SEMA4B: variants seen among roughly 807,000 people sequenced by gnomAD.
SEMA4B encodes semaphorin-4B.
Under a neutral mutation model 88.1 loss-of-function variants are expected in SEMA4B, and 55 were observed. That is an observed-to-expected ratio of 0.62 (90% confidence interval 0.50 to 0.78). SEMA4B has a LOEUF of 0.78. Ranked by LOEUF, SEMA4B falls within the 30% of genes least tolerant of loss-of-function variation. The pLI, the probability that SEMA4B is intolerant of heterozygous loss-of-function variation, is 0.00. For synonymous variants in SEMA4B, 525 were observed against 473.6 expected (o/e 1.11, Z -1.41); for missense variants, 1,062 against 1,111.9 (o/e 0.96, Z 0.64).
At chr15:90,215,434 T>C (rs749080005) in intron 1 of SEMA4B, among the ~76,000 whole-genome samples, 5 of 152,330 alleles carry the variant, frequency 3.3e-5, no homozygotes, top group Non-Finnish European at 7.3e-5. Context: ...CCATACATAC[T>C]AAATATAACC....
chr15:90,215,103 C>T (rs1961470433), intron 1 of SEMA4B: 6 of 632,414 alleles, frequency 9.5e-6, no homozygotes, highest in Non-Finnish European at 1.3e-5. Context: ...CAGGGTGCTG[C>T]TCTTTGCTTG....
At chr15:90,198,965 C>A (rs1336589387), upstream of SEMA4B, among the ~76,000 whole-genome samples, 1 of 152,076 alleles carries the variant, frequency 6.6e-6, no homozygotes, top group Non-Finnish European at 1.5e-5. Flanking sequence ...CCTCCCAGGC[C>A]CCGGTTCAAG....
intron 11 of SEMA4B, 94 bp from the exon 12 acceptor site, chr15:90,225,567 G>C (rs935612837): frequency 7.0e-7 from 1 of 1,420,118 alleles, no homozygotes; most frequent in Admixed American, 2.0e-5. Flanking sequence ...CAGGCCTCTT[G>C]GGGGTGGCTC....
chr15:90,200,690 C>T (rs1199758469), upstream of SEMA4B, among the ~76,000 whole-genome samples: 2 of 152,164 alleles, frequency 1.3e-5, no homozygotes, highest in Admixed American at 6.5e-5. Context: ...GGTTTTACCT[C>T]CTCAGCAGTA....
In SEMA4B at chr15:90,212,478, A is replaced by G. The variant is rs1434831778; in HGVS notation, c.158-4961A>G. On this transcript the variant is annotated intron_variant, in intron 1 of 13. Transcript: ENST00000411539. The surrounding 1 kb of genome is among the most constrained non-coding windows in gnomAD (Gnocchi z 4.0). ...CCGAGCAGCACAGGCAGCCCAGGAG[A>G]GCGAGCGAGACACTCTTTGACACAA... 6.6e-6 allele frequency among the ~76,000 whole-genome samples: 1 copy of G among 152,162 alleles called. No individual in the cohort carries two copies. Among genetic ancestry groups the G allele is most frequent in the Admixed American group, 6.5e-5 (1 of 15,284 alleles).
intron 1 of SEMA4B, among the ~76,000 whole-genome samples, chr15:90,216,708 A>T (rs1961548514): frequency 6.6e-6 from 1 of 152,104 alleles, no homozygotes; most frequent in South Asian, 2.1e-4. Flanking sequence ...GCTGGGTGTG[A>T]TGGTGCATGC....
intron 1 of SEMA4B, among the ~76,000 whole-genome samples, chr15:90,211,331 G>A (rs182837537): frequency 9.2e-4 from 140 of 152,278 alleles, no homozygotes; most frequent in African/African-American, 3.2e-3. Flanking sequence ...ATGGCTTTCC[G>A]GGGCATGCCC....
rs1372926555 is a variant in SEMA4B at position 90,217,761 on chromosome 15, C to T, written c.322-6C>T. On this transcript the variant is annotated splice_polypyrimidine_tract_variant and splice_region_variant and intron_variant, in intron 2 of 13. Transcript: ENST00000411539. ...GTCCACTACCTTCCCCTTTCTCATT[C>T]CCCAGCTGCTTTGGGGTGCAGACGC... is the stretch of plus-strand genomic sequence containing the variant. 1 of 1,613,228 alleles carries T rather than the reference C, an allele frequency of 6.2e-7. No individual in the cohort carries two copies. Among genetic ancestry groups the T allele is most frequent in the South Asian group, 1.1e-5 (1 of 90,954 alleles).
chr15:90,221,723 C>T lies in SEMA4B; in HGVS notation c.819C>T (p.Phe273=), dbSNP rs752310458. The change falls in exon 7 of 14, where the codon TTC becomes TTT. Residue 273 remains phenylalanine (F), a synonymous_variant. Coordinates refer to ENST00000411539, the MANE Select transcript of SEMA4B (RefSeq NM_198925.4). The part of the protein sequence containing the change: ...FFSETGQEFE[F]FENTIVSRIA... ...GCGAGACTGGCCAGGAATTTGAGTT[C>T]TTTGAGAACACCATTGTGTCCCGCA... 1 of 1,613,968 alleles carries T rather than the reference C, an allele frequency of 6.2e-7. No individual in the cohort carries two copies. Among genetic ancestry groups the T allele is most frequent in the South Asian group, 1.1e-5 (1 of 91,078 alleles).
At chr15:90,221,549 C>A (rs1172136997) in intron 6 of SEMA4B, 65 bp from the exon 7 acceptor site, 1 of 1,607,506 alleles carries the variant, frequency 6.2e-7, no homozygotes, top group Non-Finnish European at 8.5e-7. Context: ...GGGGCACTTT[C>A]CCCCAGCTTG....
chr15:90,220,367 C>T (rs8032780), intron 4 of SEMA4B: 66,231 of 125,076 alleles, frequency 0.53, 17,643 homozygotes, highest in East Asian at 0.82. Context: ...TTTTTCTTTT[C>T]TTTTTTTTTT....
At chr15:90,197,988 G>A (rs530373481), upstream of SEMA4B, among the ~76,000 whole-genome samples, 3 of 149,966 alleles carry the variant, frequency 2.0e-5, no homozygotes, top group African/African-American at 4.9e-5. Flanking sequence ...GTGCAGTGGC[G>A]TGATCTCGGC....
In SEMA4B at chr15:90,229,549, G is replaced by A; in HGVS notation, c.*906G>A. On this transcript the variant is annotated 3_prime_UTR_variant, in exon 14 of 14. Coordinates refer to ENST00000411539, the MANE Select transcript of SEMA4B (RefSeq NM_198925.4). ...TCCCTCACCTTCCTCCACTCTAAGGGATATCAACACTGCCCAGCACAGGGG... is the reference window on the plus strand; with the variant it reads ...TCCCTCACCTTCCTCCACTCTAAGGAATATCAACACTGCCCAGCACAGGGG... 1 of 379,918 alleles carries A rather than the reference G, an allele frequency of 2.6e-6. No homozygotes were observed. Among genetic ancestry groups the A allele is most frequent in the Admixed American group, 3.1e-5 (1 of 31,838 alleles). The allele number at this position is 379,918 out of a possible 1,614,324, so 23.5% of individuals were successfully genotyped here. A position where few individuals can be genotyped will look rare whatever the true frequency, so the allele number is the denominator to read the frequency against.
chr15:90,201,323 C>T (rs534772412), upstream of SEMA4B: 4 of 1,183,942 alleles, frequency 3.4e-6, no homozygotes, highest in South Asian at 8.0e-5. Context: ...CAGCCCCGCC[C>T]TCCGCCGCTT....
intron 1 of SEMA4B, among the ~76,000 whole-genome samples, chr15:90,185,881 A>G (rs1239129586): frequency 6.6e-6 from 1 of 150,452 alleles, no homozygotes; most frequent in Non-Finnish European, 1.5e-5. Flanking sequence ...AGTTAGTGGG[A>G]AGGTCAGGAT....
At chr15:90,209,713 C>T (rs917804255) in intron 1 of SEMA4B, among the ~76,000 whole-genome samples, 4 of 152,130 alleles carry the variant, frequency 2.6e-5, no homozygotes, top group South Asian at 2.1e-4. Flanking sequence ...CTTGCCCAGC[C>T]GGGGATCCAG....
chr15:90,224,270 C>G (rs954654482), intron 9 of SEMA4B, among the ~76,000 whole-genome samples: 5 of 152,220 alleles, frequency 3.3e-5, no homozygotes, highest in Non-Finnish European at 5.9e-5. Flanking sequence ...GGTCCTCTCC[C>G]CTACTCAGCT....
At chr15:90,205,511 C>G (rs1192239740) in intron 1 of SEMA4B, among the ~76,000 whole-genome samples, 1 of 152,262 alleles carries the variant, frequency 6.6e-6, no homozygotes. Flanking sequence ...CTTGGGCAAG[C>G]TCCTGGCCTT....
At chr15:90,204,806 C>T (rs1023189169) in intron 1 of SEMA4B, among the ~76,000 whole-genome samples, 13 of 152,120 alleles carry the variant, frequency 8.5e-5, no homozygotes, top group African/African-American at 2.7e-4. Context: ...GATGGAGTTT[C>T]GCTCTGTCTC....
Sources: gnomAD v4.1 joint callset for allele counts (sites outside exome capture counted in the v4.1 genomes callset) on GRCh38, gnomAD v4.1.1 for gene constraint, Gnocchi (gnomAD v3.1) non-coding constraint, MANE v1.5 for transcripts, NCBI Gene and HGNC (gene_info 2026-07-23, HGNC 2026-07-21) for gene names.